Variants in TREM1 observed in about 807,000 individuals in gnomAD.
The protein encoded by TREM1 is triggering receptor expressed on monocytes 1.
TREM1 carries 16 observed loss-of-function variants against 22.4 expected under a neutral mutation model. The ratio of observed to expected loss-of-function variants is 0.71; its 90% CI spans 0.48 to 1.08. The LOEUF (loss-of-function observed/expected upper bound fraction) is 1.08. Ranked by LOEUF, TREM1 falls within the 50% of genes least tolerant of loss-of-function variation. The pLI is 0.00. For synonymous variants in TREM1, 110 were observed against 111.6 expected (o/e 0.99, Z 0.09); for missense variants, 283 against 282.9 (o/e 1.00, Z 0.00).
At chr6:41,279,966 G>T in intron 3 of TREM1, 1 of 978,062 alleles carries the variant, frequency 1.0e-6, no homozygotes, top group Non-Finnish European at 1.2e-6. Context: ...CAATGTCTAA[G>T]AACAGGCCAA....
At chr6:41,277,907 CTTTTTTT>C (rs11341322) in intron 3 of TREM1, among the ~76,000 whole-genome samples, 1 of 111,346 alleles carries the variant, frequency 9.0e-6, no homozygotes, top group African/African-American at 3.6e-5. Flanking sequence ...TTCTTTTTGT[CTTTTTTT>C]TTTTTTTTTT....
In TREM1 at chr6:41,282,190, C is replaced by T. The variant is rs1767948544; in HGVS notation, c.406+205G>A. The T allele has an allele frequency of 7.4e-6, 4 of 540,396 alleles. No homozygotes were observed. In the African/African-American group the frequency reaches 7.5e-5, roughly 10 times the overall value. 33.5% of individuals were successfully genotyped at this position (540,396 alleles called of 1,614,324 possible). On this transcript the variant is annotated intron_variant, in intron 2 of 3. Coordinates refer to ENST00000244709, the MANE Select transcript of TREM1 (RefSeq NM_018643.5). The stretch of plus-strand genomic sequence containing the variant: ...CTTAATTGTACCCCAATTCCTACCA[C>T]AGCACCCAAAATTAGGCTGTGCTAT...
chr6:41,276,583 T>G (rs1281527225), intron 3 of TREM1, among the ~76,000 whole-genome samples: 2 of 152,174 alleles, frequency 1.3e-5, no homozygotes, highest in Non-Finnish European at 2.9e-5. Flanking sequence ...TCATCTCACC[T>G]CTTTAGCTCG....
intron 1 of TREM1, among the ~76,000 whole-genome samples, chr6:41,285,457 C>T (rs1463607234): frequency 6.6e-6 from 1 of 152,178 alleles, no homozygotes; most frequent in Non-Finnish European, 1.5e-5. Context: ...TAGTTAAGTA[C>T]TAGAGCCAGG....
In TREM1 at chr6:41,275,816, C is replaced by A. The variant is rs903378725; in HGVS notation, c.*309G>T. ...TGCCTTCTGCATGTCACAGCCCCCACAAGAGAATTACGGTGAAAAGCATTG... is the reference window on the plus strand; with the variant it reads ...TGCCTTCTGCATGTCACAGCCCCCAAAAGAGAATTACGGTGAAAAGCATTG... On this transcript the variant is annotated 3_prime_UTR_variant, in exon 4 of 4. Transcript: ENST00000244709. 2 of 386,426 alleles carry A rather than the reference C, an allele frequency of 5.2e-6. No homozygotes were observed. Among genetic ancestry groups the A allele is most frequent in the Non-Finnish European group, 9.7e-6 (2 of 205,424 alleles). 23.9% of individuals were successfully genotyped at this position (386,426 alleles called of 1,614,324 possible).
chr6:41,271,301 C>T (rs1178065604), downstream of TREM1, among the ~76,000 whole-genome samples: 2 of 152,170 alleles, frequency 1.3e-5, no homozygotes, highest in Non-Finnish European at 2.9e-5. Context: ...TAAGACAACC[C>T]TCTGATACCT....
chr6:41,282,329 G>C, intron 2 of TREM1, 66 bp downstream of exon 2: 2 of 1,297,286 alleles, frequency 1.5e-6, no homozygotes, highest in Non-Finnish European at 2.2e-6. Context: ...CAGCTCTGCT[G>C]ATGCTACCAC....
intron 1 of TREM1, among the ~76,000 whole-genome samples, chr6:41,283,575 G>T (rs1457870990): frequency 6.6e-6 from 1 of 152,152 alleles, no homozygotes; most frequent in Non-Finnish European, 1.5e-5. Flanking sequence ...AGCCAGGCAT[G>T]GTGGTGCACA....
At position 41,273,759 on chromosome 6, in the gene TREM1, G is replaced by T. The variant is rs370674711; in HGVS notation, c.*2366C>A. ...GATGGAACAGGTGGCTGGACTTGGA[G>T]ATGGGAGCTGTTTGCTGAGAGGCTT... On this transcript the variant is annotated 3_prime_UTR_variant, in exon 4 of 4. Coordinates refer to ENST00000244709, the MANE Select transcript of TREM1 (RefSeq NM_018643.5). Among the ~76,000 whole-genome samples, 69 of 152,360 alleles carry T rather than the reference G, an allele frequency of 4.5e-4. No homozygotes were observed. The highest frequency in any genetic ancestry group is 1.4e-3 in the African/African-American group (59 of 41,596).
chr6:41,285,753 C>G (rs1187526805), intron 1 of TREM1, among the ~76,000 whole-genome samples: 1 of 152,188 alleles, frequency 6.6e-6, no homozygotes, highest in Non-Finnish European at 1.5e-5. Context: ...GAGCTAACTC[C>G]CTTCTGCCCA....
downstream of TREM1, chr6:41,270,160 G>A (rs976520843): frequency 3.3e-5 from 5 of 152,100 alleles, no homozygotes; most frequent in Non-Finnish European, 1.5e-5. Context: ...GTAAGAACAG[G>A]CCATGGTCAG....
Position 41,273,712 on chromosome 6 carries a change from C to G in TREM1, c.*2413G>C, listed in dbSNP as rs73735831. Reference sequence around the variant, plus strand: ...TGGCAATAGTGGTGGGTCATTCCCACTGCTGGGCCTACAGAGGAGAGGATG... The same window carrying G: ...TGGCAATAGTGGTGGGTCATTCCCAGTGCTGGGCCTACAGAGGAGAGGATG... On this transcript the variant is annotated 3_prime_UTR_variant, in exon 4 of 4. Coordinates refer to ENST00000244709, the MANE Select transcript of TREM1 (RefSeq NM_018643.5). 2.6e-3 allele frequency among the ~76,000 whole-genome samples: 397 copies of G among 152,340 alleles called. 2 individuals are homozygous for G. The highest frequency in any genetic ancestry group is 8.0e-3 in the African/African-American group (333 of 41,562).
rs1213956106 is a variant in TREM1, at chr6:41,275,905, G to A, written c.*220C>T. 8 of 573,222 alleles carry A rather than the reference G, an allele frequency of 1.4e-5. No homozygotes were observed. Among genetic ancestry groups the A allele is most frequent in the Non-Finnish European group, 2.5e-5 (8 of 320,138 alleles). The allele number at this position is 573,222 out of a possible 1,614,324, so 35.5% of individuals were successfully genotyped here. On this transcript the variant is annotated 3_prime_UTR_variant, in exon 4 of 4. Coordinates refer to ENST00000244709, the MANE Select transcript of TREM1 (RefSeq NM_018643.5). ...GAATGAAGGACCAAGCATGTTTGGG[G>A]CTGTAACTTCTTTTCTGAGGCACAA...
chr6:41,278,805 A>C (rs867666018), intron 3 of TREM1, among the ~76,000 whole-genome samples: 34 of 152,238 alleles, frequency 2.2e-4, no homozygotes, highest in African/African-American at 8.0e-4. Context: ...TGCAGTCTCT[A>C]GCAGCAAGGC....
At position 41,276,129 on chromosome 6, in the gene TREM1, G is replaced by C. The variant is rs755105389; in HGVS notation, c.701C>G (p.Pro234Arg). 7 of 1,613,632 alleles carry C rather than the reference G, an allele frequency of 4.3e-6. 1 individual carries two copies. In the South Asian group the frequency reaches 4.4e-5, roughly 10 times the overall value. Residue 234 changes from proline (P) to arginine (R), a missense_variant, in exon 4 of 4, where the codon CCC (proline) becomes CGC (arginine). By Grantham distance (103) the Pro-to-Arg change is moderately radical. Transcript: ENST00000244709. ...CATTCTCGTGGGTTCGTGGGCCTAGGGTACAAATGACCTCAGCGTGACAGC... is the reference window on the plus strand; with the variant it reads ...CATTCTCGTGGGTTCGTGGGCCTAGCGTACAAATGACCTCAGCGTGACAGC... ...LFAVTLRSFV[P>R]
rs1251327057 is a variant in TREM1, at chr6:41,282,466, T to C, written c.335A>G (p.Gln112Arg). 2.5e-6 allele frequency: 4 copies of C among 1,614,128 alleles called. No individual in the cohort carries two copies. The highest frequency in any genetic ancestry group is 2.2e-5 in the East Asian group (1 of 44,868). The change falls in exon 2 of 4, where the codon CAG becomes CGG. Residue 112 changes from glutamine to arginine, a missense_variant. Coordinates refer to ENST00000244709, the MANE Select transcript of TREM1 (RefSeq NM_018643.5). ...NLQVEDSGLY[Q>R]CVIYQPPKEP... ...CTTGGGAGGCTGGTAGATCACACACTGATACAGTCCAGAATCTTCCACTTG... is the reference window on the plus strand; with the variant it reads ...CTTGGGAGGCTGGTAGATCACACACCGATACAGTCCAGAATCTTCCACTTG...
At chr6:41,283,789 G>A (rs930162222) in intron 1 of TREM1, among the ~76,000 whole-genome samples, 2 of 152,074 alleles carry the variant, frequency 1.3e-5, no homozygotes, top group African/African-American at 4.8e-5. Flanking sequence ...TTAGGAAGGA[G>A]CACATGGCTG....
intron 3 of TREM1, chr6:41,280,075 A>G: frequency 1.0e-6 from 1 of 953,710 alleles, no homozygotes; most frequent in Non-Finnish European, 1.2e-6. Flanking sequence ...GAATAATTTC[A>G]GCAAGGAAAA....
chr6:41,268,895 T>C (rs1767404234), downstream of TREM1, among the ~76,000 whole-genome samples: 1 of 152,206 alleles, frequency 6.6e-6, no homozygotes, highest in Non-Finnish European at 1.5e-5. Flanking sequence ...CCGGGTATCC[T>C]TGGATGTTTC....
Sources: gnomAD v4.1 joint callset for allele counts (sites outside exome capture counted in the v4.1 genomes callset) on GRCh38, gnomAD v4.1.1 for gene constraint, MANE v1.5 for transcripts, NCBI Gene and HGNC (gene_info 2026-07-23, HGNC 2026-07-21) for gene names.